Variants in ASIC2 observed in about 807,000 individuals in gnomAD.
ASIC2 encodes the protein acid sensing ion channel subunit 2, also known as acid-sensing ion channel 2.
Under a neutral mutation model 57.3 loss-of-function variants are expected in ASIC2, and 25 were observed. The observed-to-expected ratio is 0.44, with a 90% CI of 0.32 to 0.61. ASIC2 has a LOEUF of 0.61. ASIC2 is among the 20% of genes least tolerant of loss of function. The pLI is 0.06. For missense variants in ASIC2, 641 were observed against 738.1 expected, an observed-to-expected ratio of 0.87 and a Z score of 1.52; for synonymous variants, 319 against 307.5, an observed-to-expected ratio of 1.04 and a Z score of -0.39.
intron 1 of ASIC2, among the ~76,000 whole-genome samples, chr17:33,970,065 G>A (rs75390408): frequency 2.2e-4 from 34 of 152,260 alleles, no homozygotes; most frequent in Non-Finnish European, 4.1e-4. Context: ...TCTGAGGCTA[G>A]CAGTGTTTCT....
chr17:33,491,733 C>A (rs1180361388), intron 1 of ASIC2, among the ~76,000 whole-genome samples: 2 of 152,210 alleles, frequency 1.3e-5, no homozygotes, highest in African/African-American at 4.8e-5. Context: ...CTCTCAGAAG[C>A]CTGGCCTGAA....
At chr17:33,088,073 G>C (rs776589062) in intron 3 of ASIC2, among the ~76,000 whole-genome samples, 1 of 152,094 alleles carries the variant, frequency 6.6e-6, no homozygotes, top group African/African-American at 2.4e-5. Context: ...CACTGACTTA[G>C]CTATGCCTAA....
intron 1 of ASIC2, among the ~76,000 whole-genome samples, chr17:33,576,506 A>C (rs547711834): frequency 1.2e-4 from 19 of 152,290 alleles, no homozygotes; most frequent in African/African-American, 4.3e-4. Context: ...TCAGAACAGC[A>C]TAGATAGTAC....
intron 1 of ASIC2, among the ~76,000 whole-genome samples, chr17:33,558,646 T>C (rs1915981051): frequency 2.0e-5 from 3 of 152,232 alleles, no homozygotes; most frequent in Admixed American, 2.0e-4. Flanking sequence ...GTGAACCATA[T>C]GGCCTCTGTA....
At chr17:33,194,038 G>C (rs1166066529) in intron 1 of ASIC2, among the ~76,000 whole-genome samples, 1 of 152,086 alleles carries the variant, frequency 6.6e-6, no homozygotes, top group Non-Finnish European at 1.5e-5. Flanking sequence ...CAGGGGGAGG[G>C]CCGTATTCAA....
intron 1 of ASIC2, among the ~76,000 whole-genome samples, chr17:33,728,609 G>C (rs1909638612): frequency 6.6e-6 from 1 of 152,086 alleles, no homozygotes; most frequent in African/African-American, 2.4e-5. Flanking sequence ...TGGATTCATA[G>C]CCTGTGATGG....
intron 1 of ASIC2, among the ~76,000 whole-genome samples, chr17:33,412,061 C>CACA (rs1555606315): frequency 6.6e-6 from 1 of 152,130 alleles, no homozygotes; most frequent in Non-Finnish European, 1.5e-5. Context: ...CAAAAACACA[C>CACA]AAAAAACAAA....
chr17:33,560,079 A>G (rs1916025695), intron 1 of ASIC2, among the ~76,000 whole-genome samples: 2 of 152,218 alleles, frequency 1.3e-5, no homozygotes, highest in South Asian at 2.1e-4. Context: ...CCATTTGCTC[A>G]GCATGAAGCT....
intron 1 of ASIC2, chr17:33,291,005 A>G (rs1597668354): frequency 8.5e-6 from 1 of 118,306 alleles, no homozygotes; most frequent in Non-Finnish European, 1.6e-5. Context: ...TGGTTTTCCC[A>G]AAGACAAGAA....
intron 1 of ASIC2, among the ~76,000 whole-genome samples, chr17:34,017,318 T>C (rs1907011501): frequency 6.6e-6 from 1 of 152,298 alleles, no homozygotes; most frequent in South Asian, 2.1e-4. Flanking sequence ...CAATAAATGG[T>C]GTATGTGTTC....
chr17:33,081,954 G>T (rs930062737), intron 3 of ASIC2, among the ~76,000 whole-genome samples: 1 of 152,298 alleles, frequency 6.6e-6, no homozygotes, highest in South Asian at 2.1e-4. Flanking sequence ...GTCTAAACAG[G>T]CTAGAGAGGC....
chr17:33,220,219 A>G (rs1424318214), intron 1 of ASIC2, among the ~76,000 whole-genome samples: 2 of 152,198 alleles, frequency 1.3e-5, no homozygotes, highest in Non-Finnish European at 2.9e-5. Context: ...ACATGCCTCC[A>G]GGGATAGGGA....
At chr17:33,522,110 A>G (rs996526131) in intron 1 of ASIC2, among the ~76,000 whole-genome samples, 11 of 152,130 alleles carry the variant, frequency 7.2e-5, no homozygotes, top group Non-Finnish European at 1.5e-5. Flanking sequence ...ATTCTGACCC[A>G]TGGCACTTCT....
intron 1 of ASIC2, among the ~76,000 whole-genome samples, chr17:33,572,774 C>G (rs972492999): frequency 1.3e-5 from 2 of 152,204 alleles, no homozygotes; most frequent in South Asian, 4.1e-4. Context: ...GAGATCTGCA[C>G]GAAGTGATGG....
chr17:34,069,337 C>A (rs1265306603), intron 1 of ASIC2: 1 of 112,248 alleles, frequency 8.9e-6, no homozygotes, highest in Non-Finnish European at 1.8e-5. Context: ...CTTTCTTTTT[C>A]TTTCATTTTT....
intron 1 of ASIC2, among the ~76,000 whole-genome samples, chr17:33,304,506 G>A (rs1906090119): frequency 6.6e-6 from 1 of 152,168 alleles, no homozygotes; most frequent in South Asian, 2.1e-4. Flanking sequence ...TGACCTGACT[G>A]TCCTCCCCAG....
chr17:33,187,374 C>T (rs898493380), intron 1 of ASIC2, among the ~76,000 whole-genome samples: 1 of 152,152 alleles, frequency 6.6e-6, no homozygotes, highest in Non-Finnish European at 1.5e-5. Context: ...AATGCTTCCA[C>T]AATGAGCAGG....
intron 1 of ASIC2, among the ~76,000 whole-genome samples, chr17:33,826,686 G>A (rs1185381074): frequency 6.6e-6 from 1 of 152,140 alleles, no homozygotes; most frequent in African/African-American, 2.4e-5. Context: ...GTGCTCCTAA[G>A]GACCAAAGGT....
upstream of ASIC2, among the ~76,000 whole-genome samples, chr17:33,294,355 G>C (rs1478532753): frequency 6.6e-6 from 1 of 152,106 alleles, no homozygotes; most frequent in African/African-American, 2.4e-5. Context: ...GCAGAGATTT[G>C]GGTGTGGAGA....
Sources: allele counts gnomAD v4.1 joint callset (sites outside exome capture counted in the v4.1 genomes callset), GRCh38; gene constraint gnomAD v4.1.1; transcripts MANE v1.5; gene names NCBI Gene and HGNC (gene_info 2026-07-23, HGNC 2026-07-21).